Variants in CADM2 observed in about 807,000 individuals in gnomAD.
CADM2 encodes the protein immunoglobulin superfamily member 4D.
Under a neutral mutation model 49.8 loss-of-function variants are expected in CADM2, and 12 were observed. The observed-to-expected ratio is 0.24, with a 90% CI of 0.15 to 0.39. The LOEUF (loss-of-function observed/expected upper bound fraction) is 0.39. CADM2 is among the 10% of genes least tolerant of loss of function. The pLI, the probability that CADM2 is intolerant of heterozygous loss-of-function variation, is 1.00. For synonymous variants in CADM2, 214 were observed against 175.4 expected (o/e 1.22, Z -1.74); for missense variants, 378 against 492.3 (o/e 0.77, Z 2.20).
intron 1 of CADM2, among the ~76,000 whole-genome samples, chr3:85,468,153 CAAAAAAA>C (rs57721920): frequency 1.8e-5 from 1 of 55,334 alleles, no homozygotes; most frequent in African/African-American, 9.0e-5. Flanking sequence ...GACTCCGTCT[CAAAAAAA>C]AAAAAAAAAA....
intron 1 of CADM2, among the ~76,000 whole-genome samples, chr3:85,535,289 G>A (rs1475893577): frequency 6.6e-6 from 1 of 152,112 alleles, no homozygotes; most frequent in African/African-American, 2.4e-5. Context: ...TAATCAGAAG[G>A]TGGATATGAC....
chr3:85,677,483 T>G (rs2065917599), intron 1 of CADM2, among the ~76,000 whole-genome samples: 1 of 152,154 alleles, frequency 6.6e-6, no homozygotes, highest in Non-Finnish European at 1.5e-5. Flanking sequence ...TATTTGAAAT[T>G]TATTGTTGTA....
In CADM2 at chr3:85,388,032, G is replaced by A. The variant is rs571756522; in HGVS notation, c.62-338490G>A. ...GAGACCCTGACATAAGTCCAATAAT[G>A]TACAGGCAAATGTTTAGTTAACTGG... is the stretch of plus-strand genomic sequence containing the variant. On this transcript the variant is annotated intron_variant, in intron 1 of 9. Coordinates refer to ENST00000383699, the MANE Select transcript of CADM2 (RefSeq NM_001167675.2). Among the ~76,000 whole-genome samples, 3 of 152,278 alleles carry A rather than the reference G, an allele frequency of 2.0e-5. No individual in the cohort carries two copies. In the East Asian group the frequency reaches 5.8e-4, roughly 29 times the overall value.
At chr3:85,486,599 G>C (rs955541342) in intron 1 of CADM2, among the ~76,000 whole-genome samples, 3 of 152,018 alleles carry the variant, frequency 2.0e-5, no homozygotes, top group African/African-American at 7.2e-5. Flanking sequence ...CTGTGTCCTA[G>C]CAGTTGAATA....
chr3:85,563,988 A>C (rs1040455625), intron 1 of CADM2, among the ~76,000 whole-genome samples: 1 of 152,102 alleles, frequency 6.6e-6, no homozygotes, highest in Non-Finnish European at 1.5e-5. Flanking sequence ...TCCTTTCCTG[A>C]ATACCTTTAG....
intron 7 of CADM2, among the ~76,000 whole-genome samples, chr3:85,953,818 G>T (rs1723733271): frequency 6.7e-6 from 1 of 150,030 alleles, no homozygotes; most frequent in African/African-American, 2.5e-5. Flanking sequence ...AGAATATACA[G>T]CCATTTTTAA....
At chr3:85,176,138 T>C (rs2040780112) in intron 1 of CADM2, among the ~76,000 whole-genome samples, 1 of 152,052 alleles carries the variant, frequency 6.6e-6, no homozygotes, top group South Asian at 2.1e-4. Flanking sequence ...TCCAGGCCAA[T>C]GTGCAATCTT....
chr3:85,273,467 A>G (rs1428114685), intron 1 of CADM2, among the ~76,000 whole-genome samples: 1 of 151,522 alleles, frequency 6.6e-6, no homozygotes, highest in African/African-American at 2.4e-5. Context: ...GCATCAGCAT[A>G]ATTGCAGTGG....
chr3:85,243,068 A>T lies in CADM2; in HGVS notation c.61+283400A>T, dbSNP rs181003202. Reference sequence around the variant, plus strand: ...AGAAAGCATCTATTCAGAAAGAAGAATAGATGTGCACCACAAATTCCAAAT... The same window carrying T: ...AGAAAGCATCTATTCAGAAAGAAGATTAGATGTGCACCACAAATTCCAAAT... On this transcript the variant is annotated intron_variant, in intron 1 of 9. Transcript: ENST00000383699. Among the ~76,000 whole-genome samples the T allele has an allele frequency of 1.8e-3, 274 of 151,982 alleles. 1 individual carries two copies. The highest frequency in any genetic ancestry group is 6.3e-3 in the African/African-American group (263 of 41,560).
chr3:85,691,672 A>G lies in CADM2; in HGVS notation c.62-34850A>G, dbSNP rs535140278. Reference sequence around the variant, plus strand: ...ATCATGCTGCTATAAAGACACATGCACACGTATGTTTATTGCGGCACTATT... The same window carrying G: ...ATCATGCTGCTATAAAGACACATGCGCACGTATGTTTATTGCGGCACTATT... On this transcript the variant is annotated intron_variant, in intron 1 of 9. Coordinates refer to ENST00000383699, the MANE Select transcript of CADM2 (RefSeq NM_001167675.2). Among the ~76,000 whole-genome samples the G allele has an allele frequency of 8.5e-5, 13 of 152,330 alleles. No homozygotes were observed. In the East Asian group the frequency reaches 2.3e-3, roughly 27 times the overall value.
intron 3 of CADM2, among the ~76,000 whole-genome samples, chr3:85,842,559 A>G (rs1297638047): frequency 1.3e-5 from 2 of 151,992 alleles, no homozygotes; most frequent in Admixed American, 6.6e-5. Context: ...TCAAATCTAA[A>G]CTTCCTTCAG....
chr3:85,724,044 A>G (rs2067600614), intron 1 of CADM2, among the ~76,000 whole-genome samples: 1 of 151,992 alleles, frequency 6.6e-6, no homozygotes, highest in Admixed American at 6.5e-5. Context: ...CACAAAAAAT[A>G]ACTAAATAAA....
intron 1 of CADM2, among the ~76,000 whole-genome samples, chr3:85,419,587 A>G (rs1205724423): frequency 6.6e-6 from 1 of 152,204 alleles, no homozygotes; most frequent in Non-Finnish European, 1.5e-5. Flanking sequence ...AGCTTGCATA[A>G]AAGAAGCTTA....
At chr3:85,431,732 AG>A (rs2036674973) in intron 1 of CADM2, among the ~76,000 whole-genome samples, 2 of 151,020 alleles carry the variant, frequency 1.3e-5, no homozygotes, top group Admixed American at 6.6e-5. Flanking sequence ...GAGAGTCAGA[AG>A]GGGTTGTAGG....
At chr3:85,391,879 T>C (rs929539093) in intron 1 of CADM2, among the ~76,000 whole-genome samples, 1 of 152,110 alleles carries the variant, frequency 6.6e-6, no homozygotes, top group Non-Finnish European at 1.5e-5. Flanking sequence ...TGTGGCCAGA[T>C]CACTTTCAAA....
intron 8 of CADM2, among the ~76,000 whole-genome samples, chr3:86,009,775 T>G (rs546484313): frequency 1.8e-4 from 28 of 151,916 alleles, no homozygotes; most frequent in African/African-American, 6.5e-4. Context: ...AAAAATTATT[T>G]TTTAATTGAC....
At chr3:85,569,137 C>G (rs1457864908) in intron 1 of CADM2, among the ~76,000 whole-genome samples, 1 of 152,118 alleles carries the variant, frequency 6.6e-6, no homozygotes, top group African/African-American at 2.4e-5. Context: ...CACCTACCTC[C>G]CCTCCACACC....
At chr3:85,343,234 A>G (rs1165513053) in intron 1 of CADM2, among the ~76,000 whole-genome samples, 2 of 152,180 alleles carry the variant, frequency 1.3e-5, no homozygotes, top group South Asian at 2.1e-4. Context: ...ACATGATGGT[A>G]CATAATAATT....
chr3:85,558,057 A>G (rs930504264), intron 1 of CADM2, among the ~76,000 whole-genome samples: 1 of 151,940 alleles, frequency 6.6e-6, no homozygotes, highest in Admixed American at 6.6e-5. Context: ...ACCAGTCCTA[A>G]TTATATTTTA....
Sources: gnomAD v4.1 joint callset for allele counts (sites outside exome capture counted in the v4.1 genomes callset) on GRCh38, gnomAD v4.1.1 for gene constraint, MANE v1.5 for transcripts, NCBI Gene and HGNC (gene_info 2026-07-23, HGNC 2026-07-21) for gene names.